GRIP1: variants seen among roughly 807,000 people sequenced by gnomAD.
GRIP1 encodes glutamate receptor-interacting protein 1.
GRIP1 carries 45 observed loss-of-function variants against 129.9 expected under a neutral mutation model. The observed-to-expected ratio is 0.35, with a 90% confidence interval of 0.27 to 0.44. GRIP1 has a LOEUF of 0.44. GRIP1 is among the 20% of genes least tolerant of loss of function. GRIP1 has a pLI of 1.00. For missense variants in GRIP1, 1,196 were observed against 1,396.8 expected (o/e 0.86, Z 2.29); for synonymous variants, 530 against 520.8 (o/e 1.02, Z -0.24).
At chr12:66,784,689 A>AG (rs1311212221) in intron 1 of GRIP1, among the ~76,000 whole-genome samples, 1 of 152,188 alleles carries the variant, frequency 6.6e-6, no homozygotes, top group Non-Finnish European at 1.5e-5. Flanking sequence ...GGAAAAAAAA[A>AG]TCTTTTTTAA....
intron 1 of GRIP1, among the ~76,000 whole-genome samples, chr12:66,932,580 A>G (rs1030130996): frequency 7.9e-5 from 12 of 151,808 alleles, no homozygotes; most frequent in Non-Finnish European, 1.8e-4. Flanking sequence ...TAGTCAAGTG[A>G]GCAGAAGGAT....
intron 2 of GRIP1, among the ~76,000 whole-genome samples, chr12:66,554,338 G>T (rs995045910): frequency 1.3e-5 from 2 of 152,144 alleles, no homozygotes; most frequent in African/African-American, 4.8e-5. Context: ...ATTCTGGCAG[G>T]TTTCATCAGC....
intron 1 of GRIP1, among the ~76,000 whole-genome samples, chr12:66,635,048 G>GT (rs2031219313): frequency 1.3e-5 from 2 of 152,196 alleles, no homozygotes; most frequent in Admixed American, 1.3e-4. Context: ...CTCTAATGGT[G>GT]TCTGGCACAT....
intron 7 of GRIP1, among the ~76,000 whole-genome samples, chr12:66,467,355 A>T (rs535916529): frequency 1.9e-4 from 29 of 152,274 alleles, no homozygotes; most frequent in African/African-American, 6.7e-4. Context: ...CTGACATCAG[A>T]CTAGGGCCAA....
chr12:66,379,519 T>C (rs2055996259), intron 19 of GRIP1, 83 bp from the exon 20 acceptor site: 2 of 1,350,572 alleles, frequency 1.5e-6, no homozygotes, highest in Non-Finnish European at 2.1e-6. Flanking sequence ...AGTAGAGGAG[T>C]CAAATTATAA....
intron 1 of GRIP1, among the ~76,000 whole-genome samples, chr12:67,023,011 T>C (rs759014035): frequency 5.3e-4 from 81 of 152,186 alleles, no homozygotes; most frequent in Non-Finnish European, 9.3e-4. Flanking sequence ...TTTTGGTTTA[T>C]TTATTATTAC....
chr12:66,925,209 A>T (rs1415571618), intron 1 of GRIP1, among the ~76,000 whole-genome samples: 3 of 152,152 alleles, frequency 2.0e-5, no homozygotes, highest in African/African-American at 7.2e-5. Flanking sequence ...TCCCATATAC[A>T]AAGTCAGAGA....
At chr12:67,035,877 T>C (rs2135792906) in intron 1 of GRIP1, among the ~76,000 whole-genome samples, 1 of 152,326 alleles carries the variant, frequency 6.6e-6, no homozygotes, top group South Asian at 2.1e-4. Context: ...CTTAGTGCTG[T>C]ACCTCCTTCC....
chr12:66,506,445 C>T (rs1329537983), intron 7 of GRIP1, among the ~76,000 whole-genome samples: 3 of 152,142 alleles, frequency 2.0e-5, no homozygotes, highest in African/African-American at 7.2e-5. Flanking sequence ...CAAAGAAATA[C>T]ACTGTATGAT....
chr12:67,069,166 G>A (rs559448710), upstream of GRIP1: 58 of 946,660 alleles, frequency 6.1e-5, 1 homozygote, highest in South Asian at 2.0e-3. Flanking sequence ...CTCTTTCTCC[G>A]GGGCTCTCCG....
chr12:66,934,488 C>T (rs186354292), intron 1 of GRIP1, among the ~76,000 whole-genome samples: 448 of 152,268 alleles, frequency 2.9e-3, no homozygotes, highest in Non-Finnish European at 5.4e-3. Flanking sequence ...CTGAAAGGGG[C>T]GATACAGTCC....
chr12:66,771,088 G>A (rs898969003), intron 1 of GRIP1, among the ~76,000 whole-genome samples: 6 of 151,948 alleles, frequency 3.9e-5, no homozygotes, highest in Non-Finnish European at 7.4e-5. Flanking sequence ...GCGAGACTCT[G>A]TCTCAAAAGA....
chr12:66,702,330 T>C (rs552967820), intron 1 of GRIP1, among the ~76,000 whole-genome samples: 4 of 152,308 alleles, frequency 2.6e-5, no homozygotes, highest in South Asian at 2.1e-4. Context: ...TTCTATCTAA[T>C]AGTGCTCTAG....
upstream of GRIP1, among the ~76,000 whole-genome samples, chr12:66,681,392 TA>T (rs1159104440): frequency 1.3e-5 from 2 of 152,084 alleles, no homozygotes; most frequent in Non-Finnish European, 2.9e-5. Flanking sequence ...CTAGCACTGG[TA>T]AAATGCCTTC....
chr12:66,639,454 T>G (rs1278009510), intron 1 of GRIP1, among the ~76,000 whole-genome samples: 1 of 152,070 alleles, frequency 6.6e-6, no homozygotes, highest in Admixed American at 6.6e-5. Context: ...ACAGGCTGGA[T>G]GGGTGAGGGA....
At chr12:66,355,948 C>T (rs1039090105) in intron 23 of GRIP1, among the ~76,000 whole-genome samples, 5 of 152,108 alleles carry the variant, frequency 3.3e-5, no homozygotes, top group African/African-American at 7.2e-5. Flanking sequence ...TCTGGAGTTC[C>T]AGCCATCCCC....
At chr12:67,047,946 A>G (rs1350888984) in intron 1 of GRIP1, among the ~76,000 whole-genome samples, 1 of 152,128 alleles carries the variant, frequency 6.6e-6, no homozygotes, top group Admixed American at 6.6e-5. Flanking sequence ...TCACATAAGT[A>G]AAAAACAGTT....
intron 7 of GRIP1, among the ~76,000 whole-genome samples, chr12:66,479,909 G>T (rs1446921839): frequency 1.3e-5 from 2 of 152,088 alleles, no homozygotes; most frequent in Non-Finnish European, 2.9e-5. Context: ...AGGTATTGAT[G>T]GAACGTATCT....
At chr12:67,047,044 C>A (rs938379876) in intron 1 of GRIP1, among the ~76,000 whole-genome samples, 2 of 152,136 alleles carry the variant, frequency 1.3e-5, no homozygotes, top group African/African-American at 4.8e-5. Flanking sequence ...AAGTTTTTAT[C>A]TGTTCAATAC....
Sources: gnomAD v4.1 joint callset for allele counts (sites outside exome capture counted in the v4.1 genomes callset) on GRCh38, gnomAD v4.1.1 for gene constraint, MANE v1.5 for transcripts, NCBI Gene and HGNC (gene_info 2026-07-23, HGNC 2026-07-21) for gene names.